NELL1: variants seen among roughly 807,000 people sequenced by gnomAD.
The protein encoded by NELL1 is protein kinase C-binding protein NELL1.
A neutral mutation model predicts 107.4 loss-of-function variants in NELL1; 76 were observed. The observed-to-expected ratio is 0.71, with a 90% CI of 0.59 to 0.86. The LOEUF (loss-of-function observed/expected upper bound fraction) is 0.86. NELL1 is among the 40% of genes least tolerant of loss of function. NELL1 has a pLI of 0.00. For synonymous variants in NELL1, 353 were observed against 341.2 expected (o/e 1.03, Z -0.38); for missense variants, 1,024 against 1,005.5 (o/e 1.02, Z -0.25).
At chr11:20,884,906 C>G (rs972214676) in intron 4 of NELL1, among the ~76,000 whole-genome samples, 1 of 152,132 alleles carries the variant, frequency 6.6e-6, no homozygotes, top group Non-Finnish European at 1.5e-5. Context: ...GTTCTGTAGA[C>G]TAAAAACATG....
chr11:20,679,557 T>C (rs1350632509), intron 2 of NELL1, among the ~76,000 whole-genome samples: 1 of 152,186 alleles, frequency 6.6e-6, no homozygotes, highest in African/African-American at 2.4e-5. Context: ...TACTAATGAA[T>C]TGGTGAAGTA....
intron 12 of NELL1, among the ~76,000 whole-genome samples, chr11:21,008,910 T>G (rs1032486517): frequency 1.3e-5 from 2 of 152,140 alleles, no homozygotes; most frequent in African/African-American, 4.8e-5. Flanking sequence ...AAAATACTGT[T>G]GGTTTCGAGG....
intron 12 of NELL1, among the ~76,000 whole-genome samples, chr11:21,044,149 C>A (rs1354591362): frequency 6.6e-6 from 1 of 152,044 alleles, no homozygotes; most frequent in African/African-American, 2.4e-5. Flanking sequence ...GAGAAGCCAA[C>A]AAAGAGGATG....
intron 2 of NELL1, among the ~76,000 whole-genome samples, chr11:20,725,021 AC>A (rs1855477714): frequency 6.6e-6 from 1 of 152,104 alleles, no homozygotes; most frequent in African/African-American, 2.4e-5. Flanking sequence ...ACACTTTAAA[AC>A]CATCAGCTCT....
At chr11:21,462,709 C>T (rs985304420) in intron 15 of NELL1, among the ~76,000 whole-genome samples, 17 of 151,958 alleles carry the variant, frequency 1.1e-4, no homozygotes, top group Non-Finnish European at 1.8e-4. Context: ...GTTTCTCAGT[C>T]GGAGGTGATG....
Position 21,534,488 on chromosome 11 carries a change from A to C in NELL1, c.1760A>C (p.Tyr587Ser). 6.2e-7 allele frequency: 1 copy of C among 1,613,832 alleles called. No homozygotes were observed. Among genetic ancestry groups the C allele is most frequent in the Non-Finnish European group, 8.5e-7 (1 of 1,179,796 alleles). Residue 587 changes from tyrosine to serine, a missense_variant, in exon 16 of 20, where the codon TAT (tyrosine) becomes TCT (serine). Transcript: ENST00000357134. Reference protein sequence around the residue: ...CRSGFHDDGTYSLSGESCIDI... With the variant: ...CRSGFHDDGTSSLSGESCIDI... ...AGCGGTTTCCATGACGATGGGACCT[A>C]TTCACTGTCCGGGGAGTCCTGTATT...
chr11:20,673,013 C>A (rs958889569), intron 1 of NELL1, among the ~76,000 whole-genome samples: 31 of 142,774 alleles, frequency 2.2e-4, no homozygotes, highest in African/African-American at 7.2e-4. Context: ...CAGGCATGCA[C>A]CACCACGCCT....
At position 21,131,000 on chromosome 11, in the gene NELL1, A is replaced by G. The variant is rs80107952; in HGVS notation, c.1426+17286A>G. Among the ~76,000 whole-genome samples the G allele has an allele frequency of 3.0e-3, 456 of 152,284 alleles. 19 individuals carry two copies. The East Asian group carries it at 0.067, about 22-fold the overall frequency. ...ATCTGAGGATATTTTATGACATCAT[A>G]TAATTGATTTTCAACCTAAATAGAT... is the stretch of plus-strand genomic sequence containing the variant. On this transcript the variant is annotated intron_variant, in intron 13 of 19. Transcript: ENST00000357134.
intron 14 of NELL1, among the ~76,000 whole-genome samples, chr11:21,255,227 T>A (rs1858740154): frequency 6.6e-6 from 1 of 152,138 alleles, no homozygotes; most frequent in Non-Finnish European, 1.5e-5. Context: ...CCACAGAAGC[T>A]GAACTTCTGA....
intron 9 of NELL1, among the ~76,000 whole-genome samples, chr11:20,936,079 G>C (rs1850718922): frequency 6.6e-6 from 1 of 152,196 alleles, no homozygotes; most frequent in South Asian, 2.1e-4. Context: ...TCTGGGATAG[G>C]AATGAGGTGG....
Position 20,858,222 on chromosome 11 carries a change from C to T in NELL1, c.506+10469C>T, listed in dbSNP as rs531647047. Among the ~76,000 whole-genome samples, 71 of 152,238 alleles carry T rather than the reference C, an allele frequency of 4.7e-4. 2 individuals are homozygous for T. In the South Asian group the frequency reaches 0.014, roughly 31 times the overall value. ...TAAGGCCATGGAGCCTGAGGTACCC[C>T]TAGACCCTGAGCCATCACCGTTTAA... On this transcript the variant is annotated intron_variant, in intron 4 of 19. Transcript: ENST00000357134.
intron 12 of NELL1, among the ~76,000 whole-genome samples, chr11:20,978,954 G>A (rs1260892227): frequency 2.0e-5 from 3 of 152,160 alleles, no homozygotes; most frequent in Non-Finnish European, 4.4e-5. Flanking sequence ...GCTGTTTGCA[G>A]TGGCCACAGG....
At chr11:21,176,979 A>G (rs1207015254) in intron 13 of NELL1, among the ~76,000 whole-genome samples, 1 of 151,794 alleles carries the variant, frequency 6.6e-6, no homozygotes, top group Non-Finnish European at 1.5e-5. Context: ...TTTAATTTAC[A>G]AAAAATAATT....
At chr11:21,432,793 C>T (rs369819735) in intron 15 of NELL1, among the ~76,000 whole-genome samples, 1 of 152,182 alleles carries the variant, frequency 6.6e-6, no homozygotes, top group Admixed American at 6.5e-5. Flanking sequence ...TACATGTATA[C>T]AATGTGTAAT....
intron 5 of NELL1, among the ~76,000 whole-genome samples, chr11:20,904,807 T>A (rs1246532374): frequency 6.6e-6 from 1 of 151,878 alleles, no homozygotes; most frequent in African/African-American, 2.4e-5. Context: ...TCAAAATTTT[T>A]TTTTAAGTTT....
In NELL1 at chr11:21,534,506, C is replaced by T; in HGVS notation, c.1778C>T (p.Ser593Phe). ...DDGTYSLSGE[S>F]CIDIDECALR... ...GGGACCTATTCACTGTCCGGGGAGT[C>T]CTGTATTGGTAAGCAGCTTTCAGGC... The change falls in exon 16 of 20, where the codon TCC (serine) becomes TTC (phenylalanine). Residue 593 changes from serine to phenylalanine, a missense_variant. Transcript: ENST00000357134. The T allele has an allele frequency of 6.2e-7, 1 of 1,613,738 alleles. No homozygotes were observed. The highest frequency in any genetic ancestry group is 8.5e-7 in the Non-Finnish European group (1 of 1,179,756).
At chr11:21,549,060 T>C (rs1403703825) in intron 16 of NELL1, among the ~76,000 whole-genome samples, 2 of 151,780 alleles carry the variant, frequency 1.3e-5, no homozygotes, top group Non-Finnish European at 2.9e-5. Flanking sequence ...ACTTCAAATA[T>C]ATTCTATACT....
chr11:21,519,508 TTTTGTTTG>T (rs71034527), intron 15 of NELL1, among the ~76,000 whole-genome samples: 1,553 of 150,432 alleles, frequency 0.01, 28 homozygotes, highest in African/African-American at 0.036. Flanking sequence ...ATAGGCTTCC[TTTTGTTTG>T]TTTGTTTGTT....
At chr11:20,748,616 T>C (rs1856056649) in intron 2 of NELL1, among the ~76,000 whole-genome samples, 1 of 152,178 alleles carries the variant, frequency 6.6e-6, no homozygotes. Flanking sequence ...TGCCTTTGCA[T>C]ACCCATAGCT....
Sources: gnomAD v4.1 joint callset for allele counts (sites outside exome capture counted in the v4.1 genomes callset) on GRCh38, gnomAD v4.1.1 for gene constraint, MANE v1.5 for transcripts, NCBI Gene and HGNC (gene_info 2026-07-23, HGNC 2026-07-21) for gene names.